Variants in GPS1 observed in about 807,000 individuals in gnomAD.
GPS1 encodes the protein G protein pathway suppressor 1, also known as COP9 signalosome complex subunit 1.
In GPS1, 11 loss-of-function variants were observed where a neutral mutation model predicts 60.0. That is an observed-to-expected ratio of 0.18 (90% confidence interval 0.12 to 0.30). The LOEUF is 0.30. Among genes scored for constraint, GPS1 ranks in the 10% least tolerant of loss-of-function variants. GPS1 has a pLI of 1.00. For missense variants in GPS1, 543 were observed against 669.2 expected, an observed-to-expected ratio of 0.81 and a Z score of 2.08; for synonymous variants, 343 against 269.8, an observed-to-expected ratio of 1.27 and a Z score of -2.66.
intron 1 of GPS1, chr17:82,052,494 G>A (rs368049856): frequency 5.0e-6 from 8 of 1,595,042 alleles, no homozygotes; most frequent in South Asian, 4.4e-5. Context: ...GAGCGAGGGA[G>A]GGGGGAGCAG....
At chr17:82,053,463 C>G in intron 2 of GPS1, 97 bp downstream of exon 2, 1 of 874,520 alleles carries the variant, frequency 1.1e-6, no homozygotes, top group Non-Finnish European at 1.6e-6. Context: ...TAGAATGATC[C>G]TCCTCAGTGA....
At position 82,056,698 on chromosome 17, in the gene GPS1, C is replaced by G; in HGVS notation, c.1186C>G (p.Leu396Val). The stretch of plus-strand genomic sequence containing the variant: ...AGCCTTCAATACCACGGTGGCCGCC[C>G]TGGAGGACGAGCTGACGCAGCTAAT... ...AAAFNTTVAA[L>V]EDELTQLILE... Residue 396 changes from leucine to valine, a missense_variant, in exon 11 of 13, where the codon CTG (leucine) becomes GTG (valine). By Grantham distance (32) the Leu-to-Val change is conservative. Around this residue, in one of 3 missense-constraint regions of GPS1, gnomAD observed 291 missense variants for 353.7 expected, o/e 0.82. Transcript: ENST00000578552. 1 of 1,594,740 alleles carries G rather than the reference C, an allele frequency of 6.3e-7. No homozygotes were observed. Among genetic ancestry groups the G allele is most frequent in the Non-Finnish European group, 8.6e-7 (1 of 1,169,464 alleles).
chr17:82,053,414 G>A, intron 2 of GPS1, 48 bp downstream of exon 2: 2 of 1,315,668 alleles, frequency 1.5e-6, no homozygotes, highest in Non-Finnish European at 2.0e-6. Context: ...CCTGCTGAGG[G>A]GTCCAGGGCA....
Position 82,057,117 on chromosome 17 carries a change from C to T in GPS1, c.1454C>T (p.Thr485Ile). The T allele has an allele frequency of 6.4e-7, 1 of 1,572,276 alleles. No homozygotes were observed. Among genetic ancestry groups the T allele is most frequent in the African/African-American group, 1.3e-5 (1 of 74,316 alleles). The change falls in exon 13 of 13, where the codon ACC (threonine) becomes ATC (isoleucine). Residue 485 changes from threonine (T) to isoleucine (I), a missense_variant. Physicochemically the swap from Thr to Ile is moderately conservative, Grantham distance 89. Coordinates refer to ENST00000578552, the MANE Select transcript of GPS1 (RefSeq NM_001321092.3). ...TPANSQSRMS[T>I]NM ...GCCAACAGCCAGTCCCGGATGAGCACCAACATGTGAGGGGTGAACCTTGGC... is the reference window on the plus strand; with the variant it reads ...GCCAACAGCCAGTCCCGGATGAGCATCAACATGTGAGGGGTGAACCTTGGC...
At chr17:82,055,914 G>A in intron 7 of GPS1, 87 bp from the exon 8 acceptor site, 1 of 1,433,596 alleles carries the variant, frequency 7.0e-7, no homozygotes, top group East Asian at 2.4e-5. Flanking sequence ...TCACAAATGG[G>A]GTCTTAGGCA....
chr17:82,056,060 C>T lies in GPS1; in HGVS notation c.894C>T (p.Asp298=), dbSNP rs762397132. 2.5e-6 allele frequency: 4 copies of T among 1,612,686 alleles called. No individual in the cohort carries two copies. The highest frequency in any genetic ancestry group is 1.3e-5 in the African/African-American group (1 of 75,054). ...YGGLCALATF[D]RQELQRNVIS... ...GCCTGTGCGCCTTGGCTACCTTTGA[C>T]CGGCAGGAGCTGCAGCGCAATGTCA... Residue 298 remains aspartate (D), a synonymous_variant, in exon 8 of 13, where the codon GAC becomes GAT. Coordinates refer to ENST00000578552, the MANE Select transcript of GPS1 (RefSeq NM_001321092.3).
intron 2 of GPS1, 65 bp from the exon 3 acceptor site, chr17:82,053,803 C>T (rs1225087610): frequency 1.3e-6 from 2 of 1,510,858 alleles, no homozygotes; most frequent in East Asian, 2.3e-5. Flanking sequence ...ACTCCTGACC[C>T]TCAGGGCCTG....
intron 8 of GPS1, 84 bp from the exon 9 acceptor site, chr17:82,056,202 G>A: frequency 7.3e-7 from 1 of 1,367,560 alleles, no homozygotes; most frequent in South Asian, 1.2e-5. Context: ...TTTCTCAGGT[G>A]TTTGTCTGGG....
At chr17:82,052,116 G>A in intron 1 of GPS1, 152 bp downstream of exon 1, 7 of 856,708 alleles carry the variant, frequency 8.2e-6, no homozygotes, top group East Asian at 6.0e-5. Flanking sequence ...GTCGGGGGCT[G>A]CAGGGCCGAG....
chr17:82,057,211 GC>G lies in GPS1; in HGVS notation c.*85del. 2 of 1,553,964 alleles carry G rather than the reference GC, an allele frequency of 1.3e-6. No homozygotes were observed. The highest frequency in any genetic ancestry group is 2.3e-5 in the South Asian group (2 of 88,474). On this transcript the variant is annotated 3_prime_UTR_variant, in exon 13 of 13. Coordinates refer to ENST00000578552, the MANE Select transcript of GPS1 (RefSeq NM_001321092.3). ...ACCTCCAGGCGGCTCAGTGCTGCCT[GC>G]GGCCCAGCTAAGGGGCCTGGCCACT...
rs1207253401 is a variant in GPS1 at position 82,051,917 on chromosome 17, CG to C, written c.-11del. The stretch of plus-strand genomic sequence containing the variant: ...CCCGGAAGTGGACGGCACGCCGCGG[CG>C]GGGTGGGTGCAAGATGCCGCTGCCG... On this transcript the variant is annotated 5_prime_UTR_variant, in exon 1 of 13. Coordinates refer to ENST00000578552, the MANE Select transcript of GPS1 (RefSeq NM_001321092.3). The surrounding 1 kb of genome is among the most constrained non-coding windows in gnomAD (Gnocchi z 4.1). The C allele has an allele frequency of 4.3e-6, 5 of 1,162,036 alleles. No individual in the cohort carries two copies. Among genetic ancestry groups the C allele is most frequent in the East Asian group, 7.7e-5 (2 of 25,834 alleles). 72.0% of individuals were successfully genotyped at this position (1,162,036 alleles called of 1,614,324 possible).
intron 1 of GPS1, 174 bp from the exon 2 acceptor site, chr17:82,053,099 TG>T: frequency 2.7e-6 from 1 of 364,570 alleles, no homozygotes; most frequent in Non-Finnish European, 4.5e-6. Flanking sequence ...CACAGGAGCC[TG>T]GGTGGGGGCG....
At chr17:82,054,324 C>T (rs769287752) in intron 3 of GPS1, 186 bp from the exon 4 acceptor site, 3 of 883,740 alleles carry the variant, frequency 3.4e-6, no homozygotes, top group East Asian at 2.7e-5. Flanking sequence ...CTGTAGGCTC[C>T]TGGGGCAGCA....
chr17:82,056,133 C>T (rs761235784), intron 8 of GPS1, 38 bp downstream of exon 8: 11 of 1,513,836 alleles, frequency 7.3e-6, no homozygotes, highest in East Asian at 2.3e-5. Flanking sequence ...AGGCTGTCCC[C>T]GTCCCTCTCC....
Position 82,053,897 on chromosome 17 carries a change from C to A in GPS1, c.156C>A (p.Ser52Arg), listed in dbSNP as rs146356426. ...LDLEQYAASY[S>R]GLMRIERLQF... ...TGGAACAGTACGCGGCCAGCTACAGCGGCCTGATGCGCATCGAACGGCTGC... is the reference window on the plus strand; with the variant it reads ...TGGAACAGTACGCGGCCAGCTACAGAGGCCTGATGCGCATCGAACGGCTGC... The change falls in exon 3 of 13, where the codon AGC becomes AGA. Residue 52 changes from serine (S) to arginine (R), a missense_variant. Transcript: ENST00000578552. 6.2e-7 allele frequency: 1 copy of A among 1,611,926 alleles called. No individual in the cohort carries two copies. The highest frequency in any genetic ancestry group is 1.1e-5 in the South Asian group (1 of 91,054).
At position 82,054,067 on chromosome 17, in the gene GPS1, G is replaced by A. The variant is rs80350876; in HGVS notation, c.308+18G>A. 1,060 of 1,594,404 alleles carry A rather than the reference G, an allele frequency of 6.6e-4. 5 individuals carry two copies. In the African/African-American group the frequency reaches 0.013, roughly 19 times the overall value. On this transcript the variant is annotated intron_variant, in intron 3 of 12. Coordinates refer to ENST00000578552, the MANE Select transcript of GPS1 (RefSeq NM_001321092.3). ...GCCACCAGGTGAGGCCAGGGGCTTG[G>A]CGAGAGGAAGCAGAGGCCACCAAGG...
chr17:82,056,556 C>T lies in GPS1; in HGVS notation c.1116+6C>T, dbSNP rs200513870. ...GCAACCGTGCCCTCATCCAGGTAAG[C>T]GTGGGGGTCAGGCTGGCACACGGCA... On this transcript the variant is annotated splice_donor_region_variant and intron_variant, in intron 10 of 12. Transcript: ENST00000578552. 2,273 of 1,612,796 alleles carry T rather than the reference C, an allele frequency of 1.4e-3. 19 individuals carry two copies. The highest frequency in any genetic ancestry group is 5.4e-4 in the Non-Finnish European group (634 of 1,179,988).
At chr17:82,052,893 C>G (rs2031297215) in intron 1 of GPS1, 1 of 242,454 alleles carries the variant, frequency 4.1e-6, no homozygotes, top group South Asian at 7.8e-5. Flanking sequence ...GGTGGCGTCC[C>G]GTTCTTCTCC....
rs750961195 is a variant in GPS1, at chr17:82,056,069, G to A, written c.903G>A (p.Glu301=). 9 of 1,612,574 alleles carry A rather than the reference G, an allele frequency of 5.6e-6. No individual in the cohort carries two copies. Among genetic ancestry groups the A allele is most frequent in the Middle Eastern group, 3.3e-4 (2 of 6,056 alleles). ...LCALATFDRQ[E]LQRNVISSSS... is the part of the protein sequence containing the mutation. ...CCTTGGCTACCTTTGACCGGCAGGA[G>A]CTGCAGCGCAATGTCATCTCCAGCA... Residue 301 remains glutamate, a synonymous_variant, in exon 8 of 13, where the codon GAG becomes GAA. Transcript: ENST00000578552.
Sources: gnomAD v4.1 joint callset for allele counts on GRCh38, gnomAD v4.1.1 for gene constraint, gnomAD v4.1.1 regional missense constraint, Gnocchi (gnomAD v3.1) non-coding constraint, MANE v1.5 for transcripts, NCBI Gene and HGNC (gene_info 2026-07-23, HGNC 2026-07-21) for gene names.